Variants in FNDC3B observed in about 807,000 individuals in gnomAD.
The protein encoded by FNDC3B is fibronectin type III domain-containing protein 3B.
In FNDC3B, 12 loss-of-function variants were observed where a neutral mutation model predicts 151.5. That is an observed-to-expected ratio of 0.08 (90% CI 0.05 to 0.13). The LOEUF is 0.13. Ranked by LOEUF, FNDC3B falls within the 10% of genes least tolerant of loss-of-function variation. The pLI is 1.00. For synonymous variants in FNDC3B, 528 were observed against 549.0 expected (o/e 0.96, Z 0.54); for missense variants, 1,214 against 1,505.3 (o/e 0.81, Z 3.20).
intron 4 of FNDC3B, 82 bp from the exon 5 acceptor site, chr3:172,247,451 T>C: frequency 2.1e-6 from 3 of 1,433,430 alleles, no homozygotes; most frequent in Non-Finnish European, 2.8e-6. Flanking sequence ...AAAAGTAAAA[T>C]TAAAGTGGAA....
chr3:172,233,608 T>G (rs1471552803), intron 4 of FNDC3B, among the ~76,000 whole-genome samples: 1 of 152,220 alleles, frequency 6.6e-6, no homozygotes, highest in South Asian at 2.1e-4. Flanking sequence ...CCAAGCCAGC[T>G]GAGCTATAGA....
intron 1 of FNDC3B, among the ~76,000 whole-genome samples, chr3:172,057,245 G>C (rs1450786585): frequency 6.6e-6 from 1 of 152,184 alleles, no homozygotes; most frequent in African/African-American, 2.4e-5. Flanking sequence ...CCCAAGCTCT[G>C]CCTTTCATCT....
At chr3:172,255,213 A>G (rs1317190071) in intron 6 of FNDC3B, among the ~76,000 whole-genome samples, 1 of 152,074 alleles carries the variant, frequency 6.6e-6, no homozygotes, top group African/African-American at 2.4e-5. Flanking sequence ...CCCGTCTTAT[A>G]TTTTGAAAGC....
At chr3:172,198,824 C>CTCTTTCT (rs1472347851) in intron 3 of FNDC3B, among the ~76,000 whole-genome samples, 3 of 152,134 alleles carry the variant, frequency 2.0e-5, no homozygotes, top group Non-Finnish European at 4.4e-5. Context: ...AGAAGAAGAG[C>CTCTTTCT]TCTTTTCTTT....
At chr3:172,096,887 G>A (rs1326551765) in intron 1 of FNDC3B, among the ~76,000 whole-genome samples, 2 of 152,180 alleles carry the variant, frequency 1.3e-5, no homozygotes, top group African/African-American at 2.4e-5. Flanking sequence ...GATGAGGGCG[G>A]GTGGGCTGGA....
In FNDC3B at chr3:172,342,889, A is replaced by G. The variant is rs529932771; in HGVS notation, c.1972-122A>G. 2.8e-5 allele frequency: 18 copies of G among 638,828 alleles called. 1 individual carries two copies. The South Asian group carries it at 3.0e-4, about 11-fold the overall frequency. The allele number at this position is 638,828 out of a possible 1,614,324, so 39.6% of individuals were successfully genotyped here. ...TAAAAGCATACCATAATGTGCACAC[A>G]TTTAGTGTGTAACCCCTTTTCGGTA... On this transcript the variant is annotated intron_variant, in intron 17 of 25. Coordinates refer to ENST00000415807, the MANE Select transcript of FNDC3B (RefSeq NM_022763.4).
At chr3:172,376,235 T>C (rs1735134899) in intron 23 of FNDC3B, among the ~76,000 whole-genome samples, 1 of 152,222 alleles carries the variant, frequency 6.6e-6, no homozygotes, top group Admixed American at 6.5e-5. Context: ...ATGTTATCTG[T>C]TCTATTTAGA....
intron 22 of FNDC3B, among the ~76,000 whole-genome samples, chr3:172,360,610 A>G (rs911471216): frequency 5.3e-5 from 8 of 152,172 alleles, no homozygotes; most frequent in Non-Finnish European, 1.0e-4. Flanking sequence ...GTTTTGTGTA[A>G]GGTGTGAGGT....
At chr3:172,288,191 T>C (rs1045606172) in intron 7 of FNDC3B, among the ~76,000 whole-genome samples, 3 of 152,260 alleles carry the variant, frequency 2.0e-5, no homozygotes, top group Non-Finnish European at 4.4e-5. Flanking sequence ...CAGATACTTC[T>C]GTTTCTCATT....
intron 4 of FNDC3B, among the ~76,000 whole-genome samples, chr3:172,238,567 T>G (rs1727289095): frequency 6.6e-6 from 1 of 152,204 alleles, no homozygotes. Flanking sequence ...CTAATTTTTC[T>G]TTCTTCTTAT....
chr3:172,294,424 G>C (rs879589666), intron 7 of FNDC3B, among the ~76,000 whole-genome samples: 2 of 152,290 alleles, frequency 1.3e-5, no homozygotes, highest in African/African-American at 2.4e-5. Context: ...TACGTTGCCC[G>C]AGAAGGAGGA....
chr3:172,340,251 G>A (rs1401929767), intron 16 of FNDC3B, among the ~76,000 whole-genome samples: 1 of 150,318 alleles, frequency 6.7e-6, no homozygotes, highest in Admixed American at 6.6e-5. Context: ...TGCCACATTT[G>A]GTCTTTAATT....
rs1734791049 is a variant in FNDC3B, at chr3:172,369,704, G to A, written c.3008+6859G>A. On this transcript the variant is annotated intron_variant, in intron 23 of 25. Coordinates refer to ENST00000415807, the MANE Select transcript of FNDC3B (RefSeq NM_022763.4). Reference sequence around the variant, plus strand: ...GCACGTTCATGCTTAGTCGGTAAACGGGGACTCTTGCCAACATCAAAATCA... The same window carrying A: ...GCACGTTCATGCTTAGTCGGTAAACAGGGACTCTTGCCAACATCAAAATCA... Among the ~76,000 whole-genome samples the A allele has an allele frequency of 3.3e-5, 5 of 152,092 alleles. No homozygotes were observed. The South Asian group carries it at 1.0e-3, about 32-fold the overall frequency.
rs397991660 is a variant in FNDC3B, at chr3:172,050,733, G to GTGTGTA, written c.-29+10963_-29+10964insGTGTAT. On this transcript the variant is annotated intron_variant, in intron 1 of 25. Transcript: ENST00000415807. ...TGTGTGTGTGTGTGTGTGTGTGTGT[G>GTGTGTA]TATAGTGTGTATATATACTATATAT... 5.1e-4 allele frequency among the ~76,000 whole-genome samples: 70 copies of GTGTGTA among 137,932 alleles called. 1 individual carries two copies. The highest frequency in any genetic ancestry group is 1.7e-3 in the African/African-American group (67 of 38,374). 90.5% of individuals were successfully genotyped at this position (137,932 alleles called of 152,430 possible). A position where few individuals can be genotyped will look rare whatever the true frequency, so the allele number is the denominator to read the frequency against.
At chr3:172,216,073 T>C (rs1248918454) in intron 3 of FNDC3B, among the ~76,000 whole-genome samples, 3 of 152,172 alleles carry the variant, frequency 2.0e-5, no homozygotes, top group Admixed American at 1.3e-4. Flanking sequence ...ATGCCCTTCA[T>C]GTGCCAAAGA....
At chr3:172,248,230 A>G (rs1727881265) in intron 5 of FNDC3B, among the ~76,000 whole-genome samples, 1 of 152,206 alleles carries the variant, frequency 6.6e-6, no homozygotes. Flanking sequence ...GTGAAGTCTC[A>G]AGAACCTTTA....
At chr3:172,249,868 G>A (rs1727978610) in intron 5 of FNDC3B, among the ~76,000 whole-genome samples, 1 of 152,208 alleles carries the variant, frequency 6.6e-6, no homozygotes, top group Non-Finnish European at 1.5e-5. Context: ...TTACTGTTGA[G>A]TAATTGAGAC....
intron 4 of FNDC3B, among the ~76,000 whole-genome samples, chr3:172,233,904 G>A (rs1727011811): frequency 6.6e-6 from 1 of 152,204 alleles, no homozygotes; most frequent in Non-Finnish European, 1.5e-5. Context: ...ATGGAAAACA[G>A]CATAGTACTT....
intron 9 of FNDC3B, among the ~76,000 whole-genome samples, chr3:172,300,891 G>A (rs1730877178): frequency 6.6e-6 from 1 of 152,162 alleles, no homozygotes; most frequent in Admixed American, 6.5e-5. Context: ...AGTCCATATA[G>A]ATCATACGTT....
Sources: allele counts gnomAD v4.1 joint callset (sites outside exome capture counted in the v4.1 genomes callset), GRCh38; gene constraint gnomAD v4.1.1; transcripts MANE v1.5; gene names NCBI Gene and HGNC (gene_info 2026-07-23, HGNC 2026-07-21).